Variants in CCND1 observed in about 807,000 individuals in gnomAD.
CCND1 encodes the protein cyclin D1, also known as G1/S-specific cyclin-D1.
CCND1 carries 9 observed loss-of-function variants against 26.1 expected under a neutral mutation model. That is an observed-to-expected ratio of 0.35 (90% CI 0.21 to 0.60). CCND1 has a LOEUF of 0.60. Among genes scored for constraint, CCND1 ranks in the 20% least tolerant of loss-of-function variants. The pLI is 0.79. For missense variants in CCND1, 335 were observed against 392.9 expected (o/e 0.85, Z 1.25); for synonymous variants, 194 against 166.1 (o/e 1.17, Z -1.29).
chr11:69,651,505 G>A lies in CCND1; in HGVS notation c.*223G>A, dbSNP rs888155431. 23 of 382,782 alleles carry A rather than the reference G, an allele frequency of 6.0e-5. No homozygotes were observed. The highest frequency in any genetic ancestry group is 7.9e-5 in the Non-Finnish European group (17 of 216,288). The allele number at this position is 382,782 out of a possible 1,614,324, so 23.7% of individuals were successfully genotyped here. On this transcript the variant is annotated 3_prime_UTR_variant, in exon 5 of 5. Transcript: ENST00000227507. The stretch of plus-strand genomic sequence containing the variant: ...AAACTGTCTTTAAAAGAGAGAGAGA[G>A]AAAAAAAAAATAGTATTTGCATAAC...
In CCND1 at chr11:69,641,427, C is replaced by T. The variant is rs780366497; in HGVS notation, c.114C>T (p.Cys38=). 2 of 1,613,464 alleles carry T rather than the reference C, an allele frequency of 1.2e-6. No individual in the cohort carries two copies. Among genetic ancestry groups the T allele is most frequent in the South Asian group, 2.2e-5 (2 of 91,088 alleles). ...CCATGCTGAAGGCGGAGGAGACCTGCGCGCCCTCGGTGTCCTACTTCAAAT... is the reference window on the plus strand; with the variant it reads ...CCATGCTGAAGGCGGAGGAGACCTGTGCGCCCTCGGTGTCCTACTTCAAAT... ...LRAMLKAEET[C]APSVSYFKCV... is the part of the protein sequence containing the mutation. The change falls in exon 1 of 5, where the codon TGC becomes TGT. Residue 38 remains cysteine (C), a synonymous_variant. Coordinates refer to ENST00000227507, the MANE Select transcript of CCND1 (RefSeq NM_053056.3).
At chr11:69,641,714 A>G (rs919341498) in intron 1 of CCND1, among the ~76,000 whole-genome samples, 1 of 150,252 alleles carries the variant, frequency 6.7e-6, no homozygotes, top group African/African-American at 2.5e-5. Flanking sequence ...TGCTAGAAGT[A>G]GCGTTTCGTG....
At chr11:69,647,914 C>A (rs2120107918) in intron 3 of CCND1, 80 bp from the exon 4 acceptor site, 1 of 1,541,614 alleles carries the variant, frequency 6.5e-7, no homozygotes, top group South Asian at 1.2e-5. Flanking sequence ...TCAGAGCCAG[C>A]ACACAGGGAT....
chr11:69,641,721 C>T (rs929346884), intron 1 of CCND1, among the ~76,000 whole-genome samples: 2 of 149,986 alleles, frequency 1.3e-5, no homozygotes, highest in East Asian at 2.0e-4. Flanking sequence ...AGTAGCGTTT[C>T]GTGGGAGGGG....
chr11:69,644,216 G>C (rs1377320458), intron 3 of CCND1: 2 of 583,310 alleles, frequency 3.4e-6, no homozygotes, highest in Non-Finnish European at 6.2e-6. Flanking sequence ...CAGTACCTTG[G>C]GCATTGGTGT....
rs1011330889 is a variant in CCND1 at position 69,653,564 on chromosome 11, G to A, written c.*2282G>A. 1.3e-5 allele frequency: 7 copies of A among 540,150 alleles called. No individual in the cohort carries two copies. Among genetic ancestry groups the A allele is most frequent in the East Asian group, 3.2e-5 (1 of 31,398 alleles). The allele number at this position is 540,150 out of a possible 1,614,324, so 33.5% of individuals were successfully genotyped here. A position where few individuals can be genotyped will look rare whatever the true frequency, so the allele number is the denominator to read the frequency against. ...TCTGCCTGCTTTGGCGGGCAGACAC[G>A]CGGGCGCGATCCCACACAGGCTGGC... On this transcript the variant is annotated 3_prime_UTR_variant, in exon 5 of 5. Transcript: ENST00000227507.
intron 3 of CCND1, chr11:69,644,213 T>A (rs372889948): frequency 1.4e-5 from 8 of 584,826 alleles, no homozygotes; most frequent in East Asian, 1.2e-4. Context: ...ATGCAGTACC[T>A]TGGGCATTGG....
intron 4 of CCND1, 66 bp from the exon 5 acceptor site, chr11:69,651,052 G>A (rs2120118777): frequency 6.8e-7 from 1 of 1,477,372 alleles, no homozygotes; most frequent in Non-Finnish European, 9.2e-7. Flanking sequence ...CCTGGGAAGG[G>A]GCCCTCGCTG....
chr11:69,650,082 A>G (rs1303233281), intron 4 of CCND1, among the ~76,000 whole-genome samples: 4 of 152,182 alleles, frequency 2.6e-5, no homozygotes. Flanking sequence ...CTGTCGTGCT[A>G]TGCCTTTGTC....
At position 69,653,604 on chromosome 11, in the gene CCND1, AGGCCGCGTGCGTGAGAACCGCGCC is replaced by A; in HGVS notation, c.*2325_*2348del. On this transcript the variant is annotated 3_prime_UTR_variant, in exon 5 of 5. Coordinates refer to ENST00000227507, the MANE Select transcript of CCND1 (RefSeq NM_053056.3). Reference sequence around the variant, plus strand: ...CACAGGCTGGCGGGGGCCGGCCCCGAGGCCGCGTGCGTGAGAACCGCGCCGGTGTCCCCAGAGACCAGGCTGTGT... The same window carrying A: ...CACAGGCTGGCGGGGGCCGGCCCCGAGGTGTCCCCAGAGACCAGGCTGTGT... The A allele has an allele frequency of 2.1e-6, 1 of 485,144 alleles. No individual in the cohort carries two copies. Among genetic ancestry groups the A allele is most frequent in the East Asian group, 3.6e-5 (1 of 28,102 alleles). 30.1% of individuals were successfully genotyped at this position (485,144 alleles called of 1,614,324 possible).
chr11:69,643,182 T>A lies in CCND1; in HGVS notation c.350T>A (p.Ile117Asn), dbSNP rs755854763. ...MFVASKMKET[I>N]PLTAEKLCIY... Reference sequence around the variant, plus strand: ...GTGGCCTCTAAGATGAAGGAGACCATCCCCCTGACGGCCGAGAAGCTGTGC... The same window carrying A: ...GTGGCCTCTAAGATGAAGGAGACCAACCCCCTGACGGCCGAGAAGCTGTGC... The change falls in exon 2 of 5, where the codon ATC becomes AAC. Residue 117 changes from isoleucine (I) to asparagine (N), a missense_variant. Ile to Asn is a moderately radical substitution (Grantham distance 149). Transcript: ENST00000227507. 1 of 1,606,398 alleles carries A rather than the reference T, an allele frequency of 6.2e-7. No individual in the cohort carries two copies. The highest frequency in any genetic ancestry group is 8.5e-7 in the Non-Finnish European group (1 of 1,177,032).
At position 69,641,184 on chromosome 11, in the gene CCND1, C is replaced by T. The variant is rs1018489214; in HGVS notation, c.-130C>T. ...GGGCTGTCGGCGCAGTAGCAGCGAG[C>T]AGCAGAGTCCGCACGCTCCGGCGAG... On this transcript the variant is annotated 5_prime_UTR_variant, in exon 1 of 5. Coordinates refer to ENST00000227507, the MANE Select transcript of CCND1 (RefSeq NM_053056.3). 3.4e-6 allele frequency: 3 copies of T among 892,854 alleles called. No individual in the cohort carries two copies. The African/African-American group carries it at 4.9e-5, about 15-fold the overall frequency. 55.3% of individuals were successfully genotyped at this position (892,854 alleles called of 1,614,324 possible).
chr11:69,641,611 A>G, intron 1 of CCND1, 100 bp downstream of exon 1: 2 of 1,198,938 alleles, frequency 1.7e-6, no homozygotes, highest in Non-Finnish European at 2.4e-6. Flanking sequence ...TCCCGCTAGA[A>G]CTTTGAAGTT....
rs1166396282 is a variant in CCND1 at position 69,648,060 on chromosome 11, GC to G, written c.643del (p.Leu215Ter). 6.2e-7 allele frequency: 1 copy of G among 1,613,968 alleles called. No homozygotes were observed. The highest frequency in any genetic ancestry group is 1.7e-5 in the Admixed American group (1 of 60,034). ...GGGAGCGTGGTGGCCGCAGTGCAAG[GC>G]CTGAACCTGAGGAGCCCCAACAACT... ...AAGSVVAAVQGLNLRSPNNFL... is the reference protein window; with the variant it reads ...AAGSVVAAVQXLNLRSPNNFL... On this transcript the variant is annotated frameshift_variant, in exon 4 of 5. Coordinates refer to ENST00000227507, the MANE Select transcript of CCND1 (RefSeq NM_053056.3). LOFTEE classifies it high-confidence loss of function.
At chr11:69,643,793 C>G (rs2120092865) in intron 2 of CCND1, 39 bp from the exon 3 acceptor site, 2 of 1,576,260 alleles carry the variant, frequency 1.3e-6, no homozygotes, top group Non-Finnish European at 1.7e-6. Context: ...CCGGGCTGGC[C>G]CGCACCTCCC....
At position 69,644,191 on chromosome 11, in the gene CCND1, C is replaced by G. The variant is rs757532543; in HGVS notation, c.574+200C>G. The G allele has an allele frequency of 3.6e-5, 22 of 615,458 alleles. No individual in the cohort carries two copies. The South Asian group carries it at 3.9e-4, about 11-fold the overall frequency. The allele number at this position is 615,458 out of a possible 1,614,324, so 38.1% of individuals were successfully genotyped here. On this transcript the variant is annotated intron_variant, in intron 3 of 4. Transcript: ENST00000227507. ...CGCTGGATGGAGGGAGATTTGCTCCCTCACGGCCACCATGCAGTACCTTGG... is the reference window on the plus strand; with the variant it reads ...CGCTGGATGGAGGGAGATTTGCTCCGTCACGGCCACCATGCAGTACCTTGG...
intron 2 of CCND1, 27 bp downstream of exon 2, chr11:69,643,273 G>T (rs1565225096): frequency 1.4e-5 from 22 of 1,518,560 alleles, no homozygotes; most frequent in Middle Eastern, 2.0e-4. Flanking sequence ...GCCGCCCCCC[G>T]CCCCCCGCGA....
rs550546811 is a variant in CCND1, at chr11:69,643,326, G to A, written c.414+80G>A. On this transcript the variant is annotated intron_variant, in intron 2 of 4. Coordinates refer to ENST00000227507, the MANE Select transcript of CCND1 (RefSeq NM_053056.3). ...GGGGCCGGGGAAGGTGCAGGCGGTG[G>A]CGGCCGGCCCGCCTCTGACATATCT... 5.8e-5 allele frequency: 69 copies of A among 1,199,952 alleles called. 1 individual carries two copies. In the Middle Eastern group the frequency reaches 8.1e-4, roughly 14 times the overall value. 74.3% of individuals were successfully genotyped at this position (1,199,952 alleles called of 1,614,324 possible).
At chr11:69,645,198 A>T (rs1327981116) in intron 3 of CCND1, among the ~76,000 whole-genome samples, 2 of 152,204 alleles carry the variant, frequency 1.3e-5, no homozygotes, top group Non-Finnish European at 2.9e-5. Flanking sequence ...CATGCGGCAG[A>T]CAGGGAGGCA....
Sources: allele counts gnomAD v4.1 joint callset (sites outside exome capture counted in the v4.1 genomes callset), GRCh38; gene constraint gnomAD v4.1.1; transcripts MANE v1.5; gene names NCBI Gene and HGNC (gene_info 2026-07-23, HGNC 2026-07-21).